The following PDE4D variants were observed in gnomAD, a reference collection of about 807,000 sequenced individuals.
PDE4D encodes the protein phosphodiesterase 4D.
Under a neutral mutation model 87.4 loss-of-function variants are expected in PDE4D, and 24 were observed. The observed-to-expected ratio is 0.27, with a 90% CI of 0.20 to 0.39. PDE4D has a LOEUF of 0.39. PDE4D is among the 10% of genes least tolerant of loss of function. The pLI is 1.00. For synonymous variants in PDE4D, 384 were observed against 383.2 expected, an observed-to-expected ratio of 1.00 and a Z score of -0.02; for missense variants, 714 against 1,041.0, an observed-to-expected ratio of 0.69 and a Z score of 4.32.
chr5:59,052,599 T>C (rs1007312493), intron 5 of PDE4D, among the ~76,000 whole-genome samples: 1 of 152,182 alleles, frequency 6.6e-6, no homozygotes, highest in African/African-American at 2.4e-5. Context: ...TGGTCTACGA[T>C]GACAGTTACA....
chr5:59,476,191 C>T (rs989058815), intron 1 of PDE4D, among the ~76,000 whole-genome samples: 1 of 151,940 alleles, frequency 6.6e-6, no homozygotes, highest in Non-Finnish European at 1.5e-5. Context: ...AAGCAGCACT[C>T]TCACCAAGAA....
At chr5:59,284,333 G>T (rs529616723) in intron 1 of PDE4D, among the ~76,000 whole-genome samples, 1 of 152,228 alleles carries the variant, frequency 6.6e-6, no homozygotes, top group South Asian at 2.1e-4. Context: ...TACCATTCTT[G>T]GTAGAGCACA....
At position 59,151,471 on chromosome 5, in the gene PDE4D, A is replaced by G. The variant is rs145325680; in HGVS notation, c.808+29124T>C. 1.6e-4 allele frequency among the ~76,000 whole-genome samples: 25 copies of G among 152,260 alleles called. 1 individual carries two copies. In the East Asian group the frequency reaches 4.8e-3, roughly 29 times the overall value. ...TGGTTGGTTTCTGTCTGCTGCATGG[A>G]GCTCACTTCCTGGTAGTGACCATAG... On this transcript the variant is annotated intron_variant, in intron 5 of 14. Coordinates refer to ENST00000340635, the MANE Select transcript of PDE4D (RefSeq NM_001104631.2).
chr5:60,380,689 T>C (rs941658077), intron 1 of PDE4D, among the ~76,000 whole-genome samples: 1 of 152,164 alleles, frequency 6.6e-6, no homozygotes, highest in South Asian at 2.1e-4. Context: ...TTCACTGATA[T>C]GGGAAGCTAG....
At chr5:60,172,201 T>C (rs1783519988) in intron 2 of PDE4D, among the ~76,000 whole-genome samples, 1 of 148,894 alleles carries the variant, frequency 6.7e-6, no homozygotes, top group African/African-American at 2.5e-5. Flanking sequence ...CACAGAATAT[T>C]GCATCAACCA....
chr5:59,473,972 T>G (rs1275392835), intron 1 of PDE4D, among the ~76,000 whole-genome samples: 1 of 152,160 alleles, frequency 6.6e-6, no homozygotes, highest in African/African-American at 2.4e-5. Flanking sequence ...AGCTTAGAAT[T>G]TATAGACAAA....
chr5:59,674,956 G>A (rs2150343063), intron 1 of PDE4D, among the ~76,000 whole-genome samples: 2 of 152,290 alleles, frequency 1.3e-5, no homozygotes, highest in Middle Eastern at 6.8e-3. Flanking sequence ...ACTGTCCAGT[G>A]ACTGAGGTAA....
chr5:59,036,196 A>G (rs1758466523), intron 6 of PDE4D, among the ~76,000 whole-genome samples: 1 of 152,196 alleles, frequency 6.6e-6, no homozygotes, highest in Admixed American at 6.5e-5. Context: ...ATCCATCTCC[A>G]TAATAAGTAT....
intron 1 of PDE4D, among the ~76,000 whole-genome samples, chr5:59,382,220 T>C (rs552771892): frequency 2.0e-5 from 3 of 152,282 alleles, no homozygotes; most frequent in African/African-American, 7.2e-5. Flanking sequence ...GAATCACATA[T>C]GTAAAATTTC....
At chr5:59,250,113 G>A (rs1759630014) in intron 1 of PDE4D, among the ~76,000 whole-genome samples, 1 of 151,702 alleles carries the variant, frequency 6.6e-6, no homozygotes, top group African/African-American at 2.4e-5. Flanking sequence ...CAAAGTGCTG[G>A]GATTTCTGGC....
At chr5:59,376,849 G>A (rs1784813776) in intron 1 of PDE4D, among the ~76,000 whole-genome samples, 1 of 151,992 alleles carries the variant, frequency 6.6e-6, no homozygotes, top group Non-Finnish European at 1.5e-5. Flanking sequence ...ATAGACAAAT[G>A]GAACAGGATA....
chr5:60,105,343 C>G (rs918988279), intron 2 of PDE4D, among the ~76,000 whole-genome samples: 1 of 152,076 alleles, frequency 6.6e-6, no homozygotes. Context: ...ACAAAGCCTC[C>G]AAGAAATATG....
intron 1 of PDE4D, among the ~76,000 whole-genome samples, chr5:60,209,568 T>C (rs1463038993): frequency 2.6e-5 from 4 of 152,208 alleles, no homozygotes; most frequent in Admixed American, 2.6e-4. Flanking sequence ...ATCATTATCT[T>C]ATGGCAATTT....
chr5:59,684,845 A>G (rs180920969), intron 1 of PDE4D, among the ~76,000 whole-genome samples: 85 of 152,304 alleles, frequency 5.6e-4, no homozygotes, highest in Middle Eastern at 3.4e-3. Context: ...GAGGACTCCC[A>G]TATGCCTTTG....
intron 5 of PDE4D, among the ~76,000 whole-genome samples, chr5:59,057,621 C>T (rs1031032069): frequency 2.6e-5 from 4 of 152,146 alleles, no homozygotes; most frequent in African/African-American, 9.7e-5. Context: ...ATAGTCTTCC[C>T]AGCATTTATC....
intron 1 of PDE4D, among the ~76,000 whole-genome samples, chr5:59,249,656 T>C (rs1759535498): frequency 1.3e-5 from 2 of 152,102 alleles, no homozygotes; most frequent in African/African-American, 4.8e-5. Context: ...GGAAAAATGC[T>C]CATGATAAAA....
chr5:59,301,407 C>G (rs1015664462), intron 1 of PDE4D, among the ~76,000 whole-genome samples: 2 of 150,678 alleles, frequency 1.3e-5, no homozygotes, highest in Non-Finnish European at 3.0e-5. Flanking sequence ...ATTTAAAAGC[C>G]AGATATGTCC....
At chr5:59,389,710 T>G (rs987933360) in intron 1 of PDE4D, among the ~76,000 whole-genome samples, 1 of 152,068 alleles carries the variant, frequency 6.6e-6, no homozygotes, top group African/African-American at 2.4e-5. Context: ...GTGTCCTTGA[T>G]GGAACTGGAG....
At chr5:59,961,941 T>C (rs1399615670) in intron 3 of PDE4D, among the ~76,000 whole-genome samples, 1 of 152,124 alleles carries the variant, frequency 6.6e-6, no homozygotes, top group East Asian at 1.9e-4. Flanking sequence ...AAAATTAAAA[T>C]TATCCCAATA....
Sources: allele counts gnomAD v4.1 joint callset (sites outside exome capture counted in the v4.1 genomes callset), GRCh38; gene constraint gnomAD v4.1.1; transcripts MANE v1.5; gene names NCBI Gene and HGNC (gene_info 2026-07-23, HGNC 2026-07-21).